The following LHFPL6 variants were observed in gnomAD, a reference collection of about 807,000 sequenced individuals.
LHFPL6 encodes the protein LHFPL tetraspan subfamily member 6, also known as LHFPL tetraspan subfamily member 6 protein.
A neutral mutation model predicts 20.6 loss-of-function variants in LHFPL6; 9 were observed. The observed-to-expected ratio is 0.44, with a 90% CI of 0.26 to 0.76. The LOEUF (loss-of-function observed/expected upper bound fraction) is 0.76, where lower values mean the gene tolerates loss of function less well. LHFPL6 is among the 30% of genes least tolerant of loss of function. The pLI is 0.20. For synonymous variants in LHFPL6, 105 were observed against 98.7 expected (o/e 1.06, Z -0.38); for missense variants, 218 against 253.5 (o/e 0.86, Z 0.95).
At chr13:39,425,946 G>T (rs375307250) in intron 2 of LHFPL6, among the ~76,000 whole-genome samples, 10 of 152,108 alleles carry the variant, frequency 6.6e-5, no homozygotes, top group East Asian at 3.9e-4. Flanking sequence ...CTAGGTTCAA[G>T]CTACCATGGC....
Position 39,402,305 on chromosome 13 carries a change from A to C in LHFPL6, c.386-23779T>G, listed in dbSNP as rs59034926. On this transcript the variant is annotated intron_variant, in intron 2 of 3. Coordinates refer to ENST00000379589, the MANE Select transcript of LHFPL6 (RefSeq NM_005780.3). ...AGTGGCACAATCATGGCTCACTGTAACCTTGAACTCCTGGGCCCAAGCAAT... is the reference window on the plus strand; with the variant it reads ...AGTGGCACAATCATGGCTCACTGTACCCTTGAACTCCTGGGCCCAAGCAAT... Among the ~76,000 whole-genome samples the C allele has an allele frequency of 3.8e-3, 579 of 152,196 alleles. 3 individuals are homozygous for C. The highest frequency in any genetic ancestry group is 0.013 in the African/African-American group (557 of 41,498).
intron 2 of LHFPL6, among the ~76,000 whole-genome samples, chr13:39,390,045 A>AC (rs1490000791): frequency 6.6e-6 from 1 of 152,088 alleles, no homozygotes; most frequent in Non-Finnish European, 1.5e-5. Flanking sequence ...TTTCTACTTA[A>AC]CTTTTTTTTA....
chr13:39,378,490 A>G lies in LHFPL6; in HGVS notation c.422T>C (p.Leu141Ser). The G allele has an allele frequency of 2.5e-6, 4 of 1,614,026 alleles. No individual in the cohort carries two copies. The highest frequency in any genetic ancestry group is 3.4e-6 in the Non-Finnish European group (4 of 1,179,948). ...LIGAGCALYP[L>S]GWDSEEVRQT... The stretch of plus-strand genomic sequence containing the variant: ...CCGGACTTCCTCACTGTCCCAGCCC[A>G]AGGGGTAGAGGGCACAGCCAGCACC... The change falls in exon 3 of 4, where the codon TTG becomes TCG. Residue 141 changes from leucine to serine, a missense_variant. Physicochemically the swap from Leu to Ser is moderately radical, Grantham distance 145 (BLOSUM62 -2). Transcript: ENST00000379589.
intron 2 of LHFPL6, among the ~76,000 whole-genome samples, chr13:39,452,840 T>C (rs4569130): frequency 0.55 from 84,100 of 152,140 alleles, 24,464 homozygotes; most frequent in East Asian, 0.9. Flanking sequence ...CATCCTAGTC[T>C]TTTTCCCTTT....
chr13:39,503,750 ACTT>A (rs1425848888), intron 2 of LHFPL6, among the ~76,000 whole-genome samples: 1 of 152,228 alleles, frequency 6.6e-6, no homozygotes, highest in East Asian at 1.9e-4. Context: ...ATTCAAATTT[ACTT>A]TATTAAGTCT....
At position 39,542,823 on chromosome 13, in the gene LHFPL6, C is replaced by T. The variant is rs546296300; in HGVS notation, c.385+58009G>A. 1.5e-3 allele frequency among the ~76,000 whole-genome samples: 226 copies of T among 152,200 alleles called. 1 individual carries two copies. Among genetic ancestry groups the T allele is most frequent in the Non-Finnish European group, 3.0e-3 (207 of 68,036 alleles). On this transcript the variant is annotated intron_variant, in intron 2 of 3. Transcript: ENST00000379589. ...GCATGGGTCATAATGATGAACAGGACGTGTCTCCAAGTTTTTGTGTGTATG... is the reference window on the plus strand; with the variant it reads ...GCATGGGTCATAATGATGAACAGGATGTGTCTCCAAGTTTTTGTGTGTATG...
At chr13:39,380,541 C>T (rs1228222039) in intron 2 of LHFPL6, among the ~76,000 whole-genome samples, 22 of 147,518 alleles carry the variant, frequency 1.5e-4, no homozygotes, top group Admixed American at 1.4e-3. Flanking sequence ...GACAGAGTCT[C>T]GCACTGTCAT....
At position 39,366,930 on chromosome 13, in the gene LHFPL6, C is replaced by T. The variant is rs990824033; in HGVS notation, c.484+11498G>A. 3.9e-5 allele frequency among the ~76,000 whole-genome samples: 6 copies of T among 152,288 alleles called. 1 individual carries two copies. The South Asian group carries it at 1.2e-3, about 32-fold the overall frequency. On this transcript the variant is annotated intron_variant, in intron 3 of 3. Transcript: ENST00000379589. ...TTATTATAATGGACACTAAACACACCTATCCTCTGCTCTACTTCCAAGACT... is the reference window on the plus strand; with the variant it reads ...TTATTATAATGGACACTAAACACACTTATCCTCTGCTCTACTTCCAAGACT...
chr13:39,510,379 G>A lies in LHFPL6; in HGVS notation c.385+90453C>T, dbSNP rs547041894. ...TCCAGCAGTGTAACTTTTGCCCTGG[G>A]GCAAACTGAGGTGGCGATGTCTGTA... On this transcript the variant is annotated intron_variant, in intron 2 of 3. Transcript: ENST00000379589. Among the ~76,000 whole-genome samples the A allele has an allele frequency of 3.3e-5, 5 of 152,270 alleles. No individual in the cohort carries two copies. The South Asian group carries it at 1.0e-3, about 32-fold the overall frequency.
chr13:39,407,388 G>C (rs187384479), intron 2 of LHFPL6, among the ~76,000 whole-genome samples: 423 of 152,244 alleles, frequency 2.8e-3, no homozygotes, highest in African/African-American at 9.4e-3. Flanking sequence ...CTTGATGCAG[G>C]CTAAGGCATT....
Position 39,441,704 on chromosome 13 carries a change from G to C in LHFPL6, c.386-63178C>G, listed in dbSNP as rs865918837. ...ATTACTGTATTTTTTTGTAGAGATA[G>C]GATTTCAGCATGTGTCTCAGCTGGT... On this transcript the variant is annotated intron_variant, in intron 2 of 3. Coordinates refer to ENST00000379589, the MANE Select transcript of LHFPL6 (RefSeq NM_005780.3). Among the ~76,000 whole-genome samples the C allele has an allele frequency of 5.9e-5, 9 of 151,714 alleles. No homozygotes were observed. The South Asian group carries it at 1.9e-3, about 32-fold the overall frequency.
chr13:39,521,765 T>C (rs1329395338), intron 2 of LHFPL6, among the ~76,000 whole-genome samples: 9 of 152,202 alleles, frequency 5.9e-5, no homozygotes. Flanking sequence ...TTGCACAGCA[T>C]CTGAAAGATC....
intron 2 of LHFPL6, among the ~76,000 whole-genome samples, chr13:39,569,190 G>C (rs1471352559): frequency 4.5e-5 from 3 of 67,362 alleles, no homozygotes; most frequent in Non-Finnish European, 9.2e-5. Flanking sequence ...TGGATGGATG[G>C]ATTGATGGAC....
intron 2 of LHFPL6, among the ~76,000 whole-genome samples, chr13:39,406,967 C>T (rs1220889698): frequency 1.3e-5 from 2 of 152,124 alleles, no homozygotes; most frequent in Non-Finnish European, 2.9e-5. Flanking sequence ...ATCAACACAC[C>T]AAAGAAACCC....
intron 3 of LHFPL6, among the ~76,000 whole-genome samples, chr13:39,358,826 A>C (rs1306429074): frequency 6.6e-6 from 1 of 152,214 alleles, no homozygotes; most frequent in Non-Finnish European, 1.5e-5. Context: ...AGAAAATTCA[A>C]GTCAAAACTA....
intron 2 of LHFPL6, among the ~76,000 whole-genome samples, chr13:39,560,376 T>C (rs1257330126): frequency 6.6e-6 from 1 of 152,168 alleles, no homozygotes; most frequent in Non-Finnish European, 1.5e-5. Flanking sequence ...AATCAATTTC[T>C]GTTCTGTTTG....
intron 2 of LHFPL6, among the ~76,000 whole-genome samples, chr13:39,543,022 C>A (rs1870860829): frequency 6.6e-6 from 1 of 152,160 alleles, no homozygotes; most frequent in Admixed American, 6.5e-5. Flanking sequence ...CCAAGTTCCC[C>A]TCTTCCTCCA....
At chr13:39,583,377 G>A (rs754881163) in intron 2 of LHFPL6, among the ~76,000 whole-genome samples, 2 of 151,872 alleles carry the variant, frequency 1.3e-5, no homozygotes, top group Admixed American at 6.6e-5. Context: ...GTTTTGCCAT[G>A]TTGCCCAGGC....
chr13:39,460,822 TTC>T (rs1872670652), intron 2 of LHFPL6, among the ~76,000 whole-genome samples: 2 of 152,214 alleles, frequency 1.3e-5, no homozygotes, highest in Admixed American at 6.5e-5. Context: ...GCGTGTTTTT[TTC>T]TTTTTTTCCT....
Sources: allele counts gnomAD v4.1 joint callset (sites outside exome capture counted in the v4.1 genomes callset), GRCh38; gene constraint gnomAD v4.1.1; transcripts MANE v1.5; gene names NCBI Gene and HGNC (gene_info 2026-07-23, HGNC 2026-07-21).